The following HIPK1 variants were observed in gnomAD, a reference collection of about 807,000 sequenced individuals.
HIPK1 encodes homeodomain-interacting protein kinase 1.
HIPK1 carries 28 observed loss-of-function variants against 117.1 expected under a neutral mutation model. The observed-to-expected ratio is 0.24, with a 90% CI of 0.18 to 0.33. HIPK1 has a LOEUF of 0.33. Ranked by LOEUF, HIPK1 falls within the 10% of genes least tolerant of loss-of-function variation. The probability of loss-of-function intolerance (pLI) is 1.00; values close to 1 mark genes in which losing one functional copy is unlikely to be tolerated. For synonymous variants in HIPK1, 605 were observed against 562.5 expected (o/e 1.08, Z -1.07); for missense variants, 1,122 against 1,475.1 (o/e 0.76, Z 3.92).
intron 1 of HIPK1, among the ~76,000 whole-genome samples, chr1:113,935,731 T>C (rs1670208614): frequency 6.6e-6 from 1 of 152,234 alleles, no homozygotes; most frequent in South Asian, 2.1e-4. Context: ...TGGTGTGAGA[T>C]GGTATCTCAT....
Position 113,974,803 on chromosome 1 carries a change from A to C in HIPK1, c.*1291A>C, listed in dbSNP as rs1054165612. On this transcript the variant is annotated 3_prime_UTR_variant, in exon 16 of 16. Transcript: ENST00000426820. ...ACATATTGATTAGAAAAATATAACA[A>C]GCAATTTTTCCTGCTAACCCAAAAT... 2.6e-5 allele frequency: 4 copies of C among 152,678 alleles called. No homozygotes were observed. The highest frequency in any genetic ancestry group is 9.6e-5 in the African/African-American group (4 of 41,464). The allele number at this position is 152,678 out of a possible 1,614,324, so 9.5% of individuals were successfully genotyped here. A position where few individuals can be genotyped will look rare whatever the true frequency, so the allele number is the denominator to read the frequency against.
rs1671784264 is a variant in HIPK1, at chr1:113,957,238, A to G, written c.1707A>G (p.Thr569=). 6.2e-7 allele frequency: 1 copy of G among 1,613,920 alleles called. No homozygotes were observed. The highest frequency in any genetic ancestry group is 1.3e-5 in the African/African-American group (1 of 74,944). Residue 569 remains threonine (T), a synonymous_variant, in exon 7 of 16, where the codon ACA becomes ACG. Transcript: ENST00000426820. ...FTTHVAPNTS[T]NLTMSFSNQL... is the part of the protein sequence containing the mutation. Reference sequence around the variant, plus strand: ...CACATGTTGCCCCAAATACAAGCACAAATCTAACCATGAGCTTCAGCAATC... The same window carrying G: ...CACATGTTGCCCCAAATACAAGCACGAATCTAACCATGAGCTTCAGCAATC...
intron 6 of HIPK1, 82 bp downstream of exon 6, chr1:113,956,893 C>G: frequency 7.8e-7 from 1 of 1,287,580 alleles, no homozygotes; most frequent in South Asian, 1.3e-5. Context: ...TCAAATGAGC[C>G]CGCCACTTTG....
chr1:113,972,016 C>T (rs1161116627), intron 15 of HIPK1, 62 bp downstream of exon 15: 4 of 1,612,734 alleles, frequency 2.5e-6, no homozygotes, highest in African/African-American at 1.3e-5. Flanking sequence ...TTCTGGAGAA[C>T]CCTGCTTCTG....
chr1:113,971,924 C>G lies in HIPK1; in HGVS notation c.3114C>G (p.Thr1038=). The G allele has an allele frequency of 6.2e-7, 1 of 1,608,692 alleles. No individual in the cohort carries two copies. Among genetic ancestry groups the G allele is most frequent in the South Asian group, 1.1e-5 (1 of 89,618 alleles). The change falls in exon 15 of 16, where the codon ACC becomes ACG. Residue 1038 remains threonine (T), a synonymous_variant. Transcript: ENST00000426820. The stretch of plus-strand genomic sequence containing the variant: ...GGTATCGAGCTCAACGCGGGGGGAC[C>G]AGTGCAGCACAACCACTCAATCTTA... ...PTGYRAQRGG[T]SAAQPLNLSQ...
At chr1:113,953,372 C>T (rs1432454372) in intron 3 of HIPK1, among the ~76,000 whole-genome samples, 1 of 152,148 alleles carries the variant, frequency 6.6e-6, no homozygotes, top group East Asian at 1.9e-4. Flanking sequence ...AGGAAATCAT[C>T]TGAGTTGTAG....
At chr1:113,952,191 G>A (rs1671413028) in intron 2 of HIPK1, among the ~76,000 whole-genome samples, 1 of 151,670 alleles carries the variant, frequency 6.6e-6, no homozygotes. Context: ...CACCCGCTTC[G>A]GCTTCCCAAA....
At chr1:113,938,676 A>G (rs2101149993) in intron 1 of HIPK1, among the ~76,000 whole-genome samples, 1 of 151,856 alleles carries the variant, frequency 6.6e-6, no homozygotes, top group Admixed American at 6.6e-5. Context: ...TGGGAGGGTG[A>G]GGGGGGTGGA....
chr1:113,968,060 T>C (rs1672574021), intron 12 of HIPK1, 112 bp downstream of exon 12: 1 of 934,238 alleles, frequency 1.1e-6, no homozygotes, highest in South Asian at 1.6e-5. Context: ...AGCAAGTAGC[T>C]GCCAAATTGA....
chr1:113,972,115 C>G, intron 15 of HIPK1, 161 bp downstream of exon 15: 1 of 1,570,050 alleles, frequency 6.4e-7, no homozygotes, highest in Non-Finnish European at 8.6e-7. Flanking sequence ...TATGCTGTGT[C>G]TCTTCATTCA....
intron 6 of HIPK1, 60 bp downstream of exon 6, chr1:113,956,871 T>A (rs1437376417): frequency 6.9e-7 from 1 of 1,456,106 alleles, no homozygotes; most frequent in Non-Finnish European, 9.5e-7. Flanking sequence ...TACCGCCTTA[T>A]CAATGGCACT....
rs752293256 is a variant in HIPK1, at chr1:113,971,987, G to T, written c.3144+33G>T. 3.1e-6 allele frequency: 5 copies of T among 1,613,004 alleles called. No homozygotes were observed. In the South Asian group the frequency reaches 5.5e-5, roughly 18 times the overall value. ...CTATGGGCTACTGCCTTCTGTTTGG[G>T]CCCTGCACTGTTGTTACTTTCTGGA... On this transcript the variant is annotated intron_variant, in intron 15 of 15. Coordinates refer to ENST00000426820, the MANE Select transcript of HIPK1 (RefSeq NM_198268.3).
chr1:113,951,066 CATA>C (rs1402836300), intron 2 of HIPK1: 1 of 208,468 alleles, frequency 4.8e-6, no homozygotes, highest in Non-Finnish European at 8.4e-6. Flanking sequence ...TTGATGACAT[CATA>C]ATAATACTTT....
chr1:113,932,008 CT>C (rs1669928088), intron 1 of HIPK1, among the ~76,000 whole-genome samples: 1 of 152,122 alleles, frequency 6.6e-6, no homozygotes, highest in Admixed American at 6.5e-5. Flanking sequence ...GATTATTTTC[CT>C]TTAAGTACCA....
chr1:113,935,470 A>C (rs1035425242), intron 1 of HIPK1, among the ~76,000 whole-genome samples: 1 of 152,174 alleles, frequency 6.6e-6, no homozygotes, highest in Admixed American at 6.5e-5. Context: ...TCCTATTGTG[A>C]ATAGTGCTGC....
intron 1 of HIPK1, among the ~76,000 whole-genome samples, chr1:113,939,374 G>A (rs80311211): frequency 0.027 from 4,048 of 150,394 alleles, 56 homozygotes; most frequent in Middle Eastern, 0.044. Flanking sequence ...TTTTAGAGAC[G>A]GTTTCACCAT....
rs1341973846 is a variant in HIPK1, at chr1:113,940,879, A to C, written c.496A>C (p.Ser166Arg). 2.4e-5 allele frequency: 38 copies of C among 1,614,034 alleles called. No individual in the cohort carries two copies. The highest frequency in any genetic ancestry group is 3.1e-5 in the Non-Finnish European group (37 of 1,180,036). Residue 166 changes from serine (S) to arginine (R), a missense_variant, in exon 2 of 16, where the codon AGT becomes CGT. Around this residue, in one of 6 missense-constraint regions of HIPK1, gnomAD observed 192 missense variants for 234.0 expected, o/e 0.82. Transcript: ENST00000426820. Reference protein sequence around the residue: ...AATTTTVTTKSSSSSGEGDYQ... With the variant: ...AATTTTVTTKRSSSSGEGDYQ... ...CACAACCACCACTGTGACCACAAAGAGTAGCAGTTCCAGCGGAGAAGGGGA... is the reference window on the plus strand; with the variant it reads ...CACAACCACCACTGTGACCACAAAGCGTAGCAGTTCCAGCGGAGAAGGGGA...
intron 1 of HIPK1, among the ~76,000 whole-genome samples, chr1:113,939,327 G>GTTTTTTTTT (rs71090749): frequency 6.9e-6 from 1 of 145,752 alleles, no homozygotes; most frequent in African/African-American, 2.5e-5. Context: ...TTTTTTTTCT[G>GTTTTTTTTT]TTTTTTTTTT....
chr1:113,956,207 T>A (rs1671713737), intron 5 of HIPK1, among the ~76,000 whole-genome samples: 1 of 151,766 alleles, frequency 6.6e-6, no homozygotes, highest in South Asian at 2.1e-4. Flanking sequence ...CCCAAGTAGC[T>A]GGGATTACAG....
Sources: gnomAD v4.1 joint callset for allele counts (sites outside exome capture counted in the v4.1 genomes callset) on GRCh38, gnomAD v4.1.1 for gene constraint, gnomAD v4.1.1 regional missense constraint, MANE v1.5 for transcripts, NCBI Gene and HGNC (gene_info 2026-07-23, HGNC 2026-07-21) for gene names.